The following HMGCLL1 variants were observed in gnomAD, a reference collection of about 807,000 sequenced individuals.
The protein encoded by HMGCLL1 is 3-hydroxymethyl-3-methylglutaryl-CoA lyase, cytoplasmic.
In HMGCLL1, 36 loss-of-function variants were observed where a neutral mutation model predicts 39.1. The ratio of observed to expected loss-of-function variants is 0.92; its 90% CI spans 0.71 to 1.22. The LOEUF (loss-of-function observed/expected upper bound fraction) is 1.22, where lower values mean the gene tolerates loss of function less well. HMGCLL1 is among the 50% of genes most tolerant of loss of function. The probability of loss-of-function intolerance (pLI) is 0.00; values close to 1 mark genes in which losing one functional copy is unlikely to be tolerated. For missense variants in HMGCLL1, 451 were observed against 416.5 expected (o/e 1.08, Z -0.72); for synonymous variants, 149 against 144.0 (o/e 1.03, Z -0.25).
the HMGCLL1 span, among the ~76,000 whole-genome samples, chr6:55,663,453 A>G: frequency 6.6e-6 from 1 of 151,870 alleles, no homozygotes; most frequent in African/African-American, 2.4e-5. Flanking sequence ...CCAAAAGTCA[A>G]TCAGGAGCAC....
At chr6:55,509,812 AGTTTTCCCT>A (rs1467386415) in intron 5 of HMGCLL1, among the ~76,000 whole-genome samples, 1 of 151,902 alleles carries the variant, frequency 6.6e-6, no homozygotes, top group East Asian at 1.9e-4. Context: ...GACCAAATTA[AGTTTTCCCT>A]GTTTTTGCAT....
At chr6:55,576,997 A>C in intron 1 of HMGCLL1, 1 of 1,566,178 alleles carries the variant, frequency 6.4e-7, no homozygotes, top group Non-Finnish European at 8.8e-7. Context: ...CACAAACAGT[A>C]ATCAAATCAG....
At chr6:55,506,322 C>T (rs1767160749) in intron 5 of HMGCLL1, among the ~76,000 whole-genome samples, 1 of 151,298 alleles carries the variant, frequency 6.6e-6, no homozygotes, top group South Asian at 2.1e-4. Flanking sequence ...TCATTTGATC[C>T]TTTGTGTTTT....
chr6:55,495,746 C>G, intron 6 of HMGCLL1, 139 bp from the exon 7 acceptor site: 1 of 523,728 alleles, frequency 1.9e-6, no homozygotes, highest in Non-Finnish European at 3.2e-6. Flanking sequence ...AATGTATTTT[C>G]TGGTCCTTTT....
At chr6:55,589,476 C>G in the HMGCLL1 span, among the ~76,000 whole-genome samples, 1 of 152,166 alleles carries the variant, frequency 6.6e-6, no homozygotes, top group Non-Finnish European at 1.5e-5. Flanking sequence ...GAAGCATTCC[C>G]TTTGAAAACT....
intron 7 of HMGCLL1, among the ~76,000 whole-genome samples, chr6:55,491,371 A>G (rs1766301854): frequency 6.6e-6 from 1 of 152,206 alleles, no homozygotes; most frequent in Non-Finnish European, 1.5e-5. Flanking sequence ...CAATCTAAAA[A>G]CTGAAAGCTT....
At chr6:55,558,368 G>A in intron 1 of HMGCLL1, among the ~76,000 whole-genome samples, 1 of 152,106 alleles carries the variant, frequency 6.6e-6, no homozygotes, top group Non-Finnish European at 1.5e-5. Flanking sequence ...TTTGTTTGAG[G>A]TGGTCCTGGT....
At chr6:55,499,196 C>A in intron 6 of HMGCLL1, 40 bp downstream of exon 6, 9 of 1,479,762 alleles carry the variant, frequency 6.1e-6, no homozygotes, top group Non-Finnish European at 7.4e-6. Flanking sequence ...TAATATATAT[C>A]ATGTTACCAT....
intron 3 of HMGCLL1, among the ~76,000 whole-genome samples, chr6:55,535,635 C>T (rs1768973546): frequency 6.6e-6 from 1 of 152,142 alleles, no homozygotes; most frequent in Admixed American, 6.5e-5. Context: ...ATTCTCCTCT[C>T]CTCTACCTGT....
At chr6:55,590,967 C>T in the HMGCLL1 span, among the ~76,000 whole-genome samples, 3 of 151,840 alleles carry the variant, frequency 2.0e-5, no homozygotes, top group East Asian at 3.9e-4. Context: ...AAAAACTATT[C>T]GGAAGTAACA....
chr6:55,553,139 ATCTC>A (rs111529086), intron 1 of HMGCLL1, among the ~76,000 whole-genome samples: 3,940 of 132,826 alleles, frequency 0.03, 72 homozygotes, highest in African/African-American at 0.054. Context: ...GCAAAACTCC[ATCTC>A]TCTCTCTCTC....
In HMGCLL1 at chr6:55,509,175, T is replaced by C. The variant is rs147620983; in HGVS notation, c.542+4873A>G. On this transcript the variant is annotated intron_variant, in intron 5 of 8. Transcript: ENST00000274901. Reference sequence around the variant, plus strand: ...TTATGTCCCATATTTTGGTGGTACATAATGATGATTGAATTGTTCTTCCAG... The same window carrying C: ...TTATGTCCCATATTTTGGTGGTACACAATGATGATTGAATTGTTCTTCCAG... Among the ~76,000 whole-genome samples, 1,419 of 152,018 alleles carry C rather than the reference T, an allele frequency of 9.3e-3. 21 individuals are homozygous for C. Among genetic ancestry groups the C allele is most frequent in the African/African-American group, 0.032 (1,347 of 41,512 alleles).
At chr6:55,590,746 A>T in the HMGCLL1 span, among the ~76,000 whole-genome samples, 123 of 152,034 alleles carry the variant, frequency 8.1e-4, 4 homozygotes, top group South Asian at 0.025. Context: ...TAAGCACATA[A>T]ATTTTAACAT....
the HMGCLL1 span, among the ~76,000 whole-genome samples, chr6:55,601,604 G>T: frequency 5.3e-5 from 8 of 152,044 alleles, no homozygotes; most frequent in Admixed American, 2.6e-4. Flanking sequence ...TAGAATTGCG[G>T]TCATTTTTTA....
intron 5 of HMGCLL1, among the ~76,000 whole-genome samples, chr6:55,504,062 T>A (rs1453536819): frequency 6.6e-6 from 1 of 151,804 alleles, no homozygotes; most frequent in East Asian, 1.9e-4. Context: ...TATTTTCTAC[T>A]GAATAAACTG....
intron 7 of HMGCLL1, among the ~76,000 whole-genome samples, chr6:55,479,209 CCT>C (rs1162664259): frequency 1.3e-5 from 2 of 151,544 alleles, no homozygotes; most frequent in Non-Finnish European, 2.9e-5. Context: ...ACAGGAAAGT[CCT>C]GTGGCAGCCT....
At position 55,461,128 on chromosome 6, in the gene HMGCLL1, CT is replaced by C. The variant is rs1393041508; in HGVS notation, c.796-21570del. ...ATCAAATAGCATCTATTTTGGAGTG[CT>C]TTGTTGACAAGCAATGTGAACATTC... On this transcript the variant is annotated intron_variant, in intron 7 of 8. Coordinates refer to ENST00000274901, the MANE Select transcript of HMGCLL1 (RefSeq NM_001042406.2). Among the ~76,000 whole-genome samples, 8 of 151,820 alleles carry C rather than the reference CT, an allele frequency of 5.3e-5. No individual in the cohort carries two copies. In the East Asian group the frequency reaches 1.4e-3, roughly 26 times the overall value.
intron 7 of HMGCLL1, among the ~76,000 whole-genome samples, chr6:55,489,300 G>A (rs1766197665): frequency 6.6e-6 from 1 of 151,952 alleles, no homozygotes; most frequent in African/African-American, 2.4e-5. Flanking sequence ...CAAGTATTTG[G>A]TTAAAAACAA....
chr6:55,515,956 T>C (rs1175497902), intron 4 of HMGCLL1, among the ~76,000 whole-genome samples: 1 of 152,034 alleles, frequency 6.6e-6, no homozygotes, highest in Non-Finnish European at 1.5e-5. Context: ...TTGAAGAGGA[T>C]AGTCTCATAT....
Sources: allele counts gnomAD v4.1 joint callset (sites outside exome capture counted in the v4.1 genomes callset), GRCh38; gene constraint gnomAD v4.1.1; transcripts MANE v1.5; gene names NCBI Gene and HGNC (gene_info 2026-07-23, HGNC 2026-07-21).